Variants in UCKL1 observed in about 807,000 individuals in gnomAD.
The protein encoded by UCKL1 is uridine-cytidine kinase-like 1.
In UCKL1, 65 loss-of-function variants were observed where a neutral mutation model predicts 59.2. The observed-to-expected ratio is 1.10, with a 90% CI of 0.90 to 1.35. UCKL1 has a LOEUF of 1.35. Ranked by LOEUF, UCKL1 falls within the 40% of genes most tolerant of loss-of-function variation. The pLI is 0.00. For synonymous variants in UCKL1, 410 were observed against 323.1 expected (o/e 1.27, Z -2.88); for missense variants, 703 against 784.3 (o/e 0.90, Z 1.24).
At chr20:63,947,820 C>G (rs958633292) in intron 1 of UCKL1, among the ~76,000 whole-genome samples, 1 of 152,240 alleles carries the variant, frequency 6.6e-6, no homozygotes, top group Non-Finnish European at 1.5e-5. Flanking sequence ...GAGGAAGACA[C>G]AGGCCTAGGC....
intron 1 of UCKL1, chr20:63,951,097 C>G: frequency 8.5e-7 from 1 of 1,173,134 alleles, no homozygotes; most frequent in Non-Finnish European, 1.1e-6. Flanking sequence ...GGCACAGCAG[C>G]TAGGAGGCCC....
At chr20:63,941,445 G>A (rs1034780790) in intron 8 of UCKL1, 4 of 602,342 alleles carry the variant, frequency 6.6e-6, no homozygotes, top group Middle Eastern at 2.6e-4. Context: ...CCATCAGGCA[G>A]AAAGCTAGCG....
chr20:63,946,734 C>A, intron 1 of UCKL1, 91 bp from the exon 2 acceptor site: 15 of 1,373,742 alleles, frequency 1.1e-5, no homozygotes, highest in Non-Finnish European at 1.5e-5. Flanking sequence ...ACCCCCCCCA[C>A]CCCCTCAACA....
At chr20:63,948,968 AGG>A (rs1242453696) in intron 1 of UCKL1, among the ~76,000 whole-genome samples, 1 of 100,748 alleles carries the variant, frequency 9.9e-6, no homozygotes, top group Non-Finnish European at 2.3e-5. Flanking sequence ...GTGCACACAC[AGG>A]GGGCAGTGGA....
At chr20:63,951,049 C>A in intron 1 of UCKL1, 1 of 1,219,276 alleles carries the variant, frequency 8.2e-7, no homozygotes. Flanking sequence ...GGGGTGAGAC[C>A]CTTGGCTGGC....
Position 63,945,726 on chromosome 20 carries a change from T to A in UCKL1, c.583-4A>T. The A allele has an allele frequency of 1.2e-6, 2 of 1,612,890 alleles. No individual in the cohort carries two copies. On this transcript the variant is annotated splice_polypyrimidine_tract_variant and splice_region_variant and intron_variant, in intron 4 of 14. Transcript: ENST00000354216. ...CGTTTGCACCATACAGTGTTTTCTG[T>A]GAAGAAACCCAGGAGTTGCGGAGCC...
intron 2 of UCKL1, 75 bp downstream of exon 2, chr20:63,946,378 T>C: frequency 2.6e-6 from 4 of 1,524,304 alleles, no homozygotes; most frequent in Middle Eastern, 1.8e-4. Flanking sequence ...GGCTTCCTTC[T>C]CCTGCTCCAC....
chr20:63,942,549 A>G, intron 8 of UCKL1: 2 of 1,060,350 alleles, frequency 1.9e-6, no homozygotes, highest in South Asian at 3.2e-5. Flanking sequence ...GGGGGTTTAC[A>G]GAGAGAAGGA....
intron 5 of UCKL1, among the ~76,000 whole-genome samples, chr20:63,945,358 C>G (rs968618079): frequency 6.6e-6 from 1 of 150,710 alleles, no homozygotes; most frequent in Non-Finnish European, 1.5e-5. Context: ...GGGTCCTCAC[C>G]TGTCCGTCAG....
At position 63,946,484 on chromosome 20, in the gene UCKL1, G is replaced by A. The variant is rs766871702; in HGVS notation, c.273C>T (p.His91=). ...TAGRPPWYNE[H]GTQSKEAFAI... The stretch of plus-strand genomic sequence containing the variant: ...CGAAGGCCTCTTTGGATTGCGTGCC[G>A]TGTTCATTGTACCAGGGCGGCCGCC... Residue 91 remains histidine, a synonymous_variant, in exon 2 of 15, where the codon CAC becomes CAT. Coordinates refer to ENST00000354216, the MANE Select transcript of UCKL1 (RefSeq NM_017859.4). The A allele has an allele frequency of 1.5e-4, 238 of 1,578,466 alleles. 1 individual carries two copies. The highest frequency in any genetic ancestry group is 3.6e-4 in the East Asian group (16 of 44,482).
rs376988394 is a variant in UCKL1 at position 63,946,214 on chromosome 20, C to G, written c.358G>C (p.Glu120Gln). 6.2e-7 allele frequency: 1 copy of G among 1,610,844 alleles called. No individual in the cohort carries two copies. The highest frequency in any genetic ancestry group is 8.5e-7 in the Non-Finnish European group (1 of 1,179,104). Residue 120 changes from glutamate to glutamine, a missense_variant, in exon 3 of 15, where the codon GAG (glutamate) becomes CAG (glutamine). Coordinates refer to ENST00000354216, the MANE Select transcript of UCKL1 (RefSeq NM_017859.4). ...ACCACCCAGGGCACATCCAGGGCCTCGATGATCATTCTGGCCACAGTGGTC... is the reference window on the plus strand; with the variant it reads ...ACCACCCAGGGCACATCCAGGGCCTGGATGATCATTCTGGCCACAGTGGTC... ...GKTTVARMII[E>Q]ALDVPWVVLL...
At chr20:63,944,795 G>C in intron 5 of UCKL1, 61 bp from the exon 6 acceptor site, 1 of 1,586,560 alleles carries the variant, frequency 6.3e-7, no homozygotes, top group African/African-American at 1.3e-5. Flanking sequence ...GAGACACTGG[G>C]ACCAGCCCCT....
In UCKL1 at chr20:63,946,090, C is replaced by T. The variant is rs968627024; in HGVS notation, c.411+71G>A. The T allele has an allele frequency of 1.9e-6, 3 of 1,607,868 alleles. No individual in the cohort carries two copies. In the African/African-American group the frequency reaches 4.0e-5, roughly 21 times the overall value. Reference sequence around the variant, plus strand: ...CCACGCTGGGGCTGAGACCAGGGACCTACTTTTGCAGGGGGTCCAGGGTCA... The same window carrying T: ...CCACGCTGGGGCTGAGACCAGGGACTTACTTTTGCAGGGGGTCCAGGGTCA... On this transcript the variant is annotated intron_variant, in intron 3 of 14. Coordinates refer to ENST00000354216, the MANE Select transcript of UCKL1 (RefSeq NM_017859.4).
At chr20:63,945,570 G>A in intron 5 of UCKL1, 81 bp downstream of exon 5, 1 of 1,450,306 alleles carries the variant, frequency 6.9e-7, no homozygotes, top group South Asian at 1.2e-5. Flanking sequence ...CTTGGGGACA[G>A]GGCAGGAGGA....
chr20:63,945,132 G>A (rs1338973417), intron 5 of UCKL1, among the ~76,000 whole-genome samples: 6 of 152,196 alleles, frequency 3.9e-5, no homozygotes, highest in African/African-American at 1.4e-4. Flanking sequence ...GGGACGTGGC[G>A]AGTTTAGGGT....
At chr20:63,949,209 G>T (rs113721452) in intron 1 of UCKL1, among the ~76,000 whole-genome samples, 1 of 152,192 alleles carries the variant, frequency 6.6e-6, no homozygotes, top group Admixed American at 6.5e-5. Context: ...TCCGGAGATC[G>T]TTCTGGAGCT....
chr20:63,945,849 C>G lies in UCKL1; in HGVS notation c.538G>C (p.Val180Leu). 1.2e-6 allele frequency: 2 copies of G among 1,613,684 alleles called. No individual in the cohort carries two copies. Among genetic ancestry groups the G allele is most frequent in the Non-Finnish European group, 1.7e-6 (2 of 1,179,968 alleles). ...KKLKQGKSVKVPIYDFTTHSR... is the reference protein window; with the variant it reads ...KKLKQGKSVKLPIYDFTTHSR... ...TGCGTGGTGAAGTCATAAATGGGCA[C>G]CTTGACACTCTTCCCCTGCTTCAGC... The change falls in exon 4 of 15, where the codon GTG becomes CTG. Residue 180 changes from valine to leucine, a missense_variant. Val to Leu is a conservative substitution (Grantham distance 32). Around this residue, in one of 4 missense-constraint regions of UCKL1, gnomAD observed 398 missense variants for 373.0 expected, o/e 1.07. Coordinates refer to ENST00000354216, the MANE Select transcript of UCKL1 (RefSeq NM_017859.4).
chr20:63,945,460 G>A (rs1368217870), intron 5 of UCKL1, among the ~76,000 whole-genome samples, 191 bp downstream of exon 5: 4 of 152,232 alleles, frequency 2.6e-5, no homozygotes, highest in Admixed American at 1.3e-4. Flanking sequence ...AGGCAGCCAC[G>A]CTCTGCCTTT....
chr20:63,941,670 A>G, intron 8 of UCKL1: 3 of 212,722 alleles, frequency 1.4e-5, no homozygotes, highest in South Asian at 6.5e-5. Context: ...CCCTCAAGAG[A>G]GGGGGGTGGG....
Sources: allele counts gnomAD v4.1 joint callset (sites outside exome capture counted in the v4.1 genomes callset), GRCh38; gene constraint gnomAD v4.1.1; regional missense constraint gnomAD v4.1.1; transcripts MANE v1.5; gene names NCBI Gene and HGNC (gene_info 2026-07-23, HGNC 2026-07-21).